The following CORIN variants were observed in gnomAD, a reference collection of about 807,000 sequenced individuals.
CORIN encodes the protein corin, serine peptidase, also known as atrial natriuretic peptide-converting enzyme.
A neutral mutation model predicts 125.3 loss-of-function variants in CORIN; 117 were observed. The observed-to-expected ratio is 0.93, with a 90% CI of 0.80 to 1.09. The LOEUF (loss-of-function observed/expected upper bound fraction) is 1.09. Among genes scored for constraint, CORIN ranks in the 50% least tolerant of loss-of-function variants. The pLI, the probability that CORIN is intolerant of heterozygous loss-of-function variation, is 0.00. For synonymous variants in CORIN, 450 were observed against 466.4 expected (o/e 0.96, Z 0.45); for missense variants, 1,253 against 1,306.7 (o/e 0.96, Z 0.63).
intron 4 of CORIN, 77 bp downstream of exon 4, chr4:47,763,302 T>G: frequency 8.9e-7 from 1 of 1,125,746 alleles, no homozygotes; most frequent in Admixed American, 2.1e-5. Context: ...AGGGAGTCAT[T>G]TGGATAATTT....
At chr4:47,645,522 T>C (rs950080941) in intron 13 of CORIN, among the ~76,000 whole-genome samples, 14 of 151,824 alleles carry the variant, frequency 9.2e-5, no homozygotes, top group African/African-American at 3.4e-4. Context: ...AATAATATAA[T>C]TTTGAAAGTA....
intron 5 of CORIN, among the ~76,000 whole-genome samples, chr4:47,734,245 C>T (rs1443493816): frequency 1.3e-5 from 2 of 152,096 alleles, no homozygotes; most frequent in Non-Finnish European, 2.9e-5. Context: ...GAATGGGGTA[C>T]ATAATGTAAA....
intron 12 of CORIN, among the ~76,000 whole-genome samples, chr4:47,660,044 T>C (rs1034592254): frequency 5.3e-5 from 8 of 152,116 alleles, no homozygotes; most frequent in African/African-American, 9.7e-5. Flanking sequence ...ACATCTACAG[T>C]GAACTCATTT....
At chr4:47,836,641 T>C (rs1298005661) in intron 1 of CORIN, among the ~76,000 whole-genome samples, 3 of 152,192 alleles carry the variant, frequency 2.0e-5, no homozygotes, top group Non-Finnish European at 4.4e-5. Flanking sequence ...AAGCTCCACT[T>C]TATGAATTAC....
chr4:47,665,392 A>G (rs1724437799), intron 10 of CORIN, 129 bp from the exon 11 acceptor site: 1 of 659,178 alleles, frequency 1.5e-6, no homozygotes, highest in Admixed American at 3.0e-5. Context: ...CCAGTAGTAT[A>G]TAACATTTTT....
chr4:47,749,222 T>G (rs1232052953), intron 4 of CORIN, among the ~76,000 whole-genome samples: 1 of 151,836 alleles, frequency 6.6e-6, no homozygotes, highest in Admixed American at 6.6e-5. Context: ...TCCTCTGGAG[T>G]GTAGGTTGCC....
chr4:47,619,539 ACTT>A (rs1722217447), intron 19 of CORIN, among the ~76,000 whole-genome samples: 1 of 152,222 alleles, frequency 6.6e-6, no homozygotes, highest in African/African-American at 2.4e-5. Flanking sequence ...GCATTTTCTA[ACTT>A]CTTCTGGATA....
intron 19 of CORIN, 144 bp from the exon 20 acceptor site, chr4:47,603,812 A>G: frequency 1.1e-6 from 1 of 884,412 alleles, no homozygotes. Flanking sequence ...AGTGGCATTT[A>G]TATAATAGCC....
intron 1 of CORIN, among the ~76,000 whole-genome samples, chr4:47,824,611 C>A (rs891612739): frequency 2.0e-5 from 3 of 152,186 alleles, no homozygotes; most frequent in African/African-American, 7.2e-5. Flanking sequence ...CATGAGCCAC[C>A]ATGCCCCAGG....
At chr4:47,684,931 GAA>G (rs58636467) in intron 6 of CORIN, among the ~76,000 whole-genome samples, 2 of 150,726 alleles carry the variant, frequency 1.3e-5, no homozygotes, top group Non-Finnish European at 3.0e-5. Context: ...CAAAACAAAA[GAA>G]AAAAAAATAA....
intron 19 of CORIN, among the ~76,000 whole-genome samples, chr4:47,622,091 T>C (rs1268010351): frequency 8.7e-5 from 12 of 137,242 alleles, no homozygotes; most frequent in South Asian, 4.8e-4. Flanking sequence ...TGAGTGAGAA[T>C]ATGCGGTGTT....
chr4:47,709,143 C>CA (rs1000850480), intron 5 of CORIN, among the ~76,000 whole-genome samples: 1 of 151,888 alleles, frequency 6.6e-6, no homozygotes, highest in African/African-American at 2.4e-5. Flanking sequence ...TATTTCAGGA[C>CA]AAAAAATAAG....
chr4:47,650,049 A>C (rs538509682), intron 13 of CORIN, among the ~76,000 whole-genome samples: 86 of 152,226 alleles, frequency 5.6e-4, no homozygotes, highest in Non-Finnish European at 1.1e-3. Context: ...TGCCTTTTGG[A>C]AACTCTTTGA....
chr4:47,802,954 A>G (rs1397743040), intron 2 of CORIN, among the ~76,000 whole-genome samples: 1 of 152,202 alleles, frequency 6.6e-6, no homozygotes, highest in African/African-American at 2.4e-5. Context: ...GTAAGGAAAA[A>G]GAACGAGAGT....
intron 2 of CORIN, among the ~76,000 whole-genome samples, chr4:47,806,162 T>A (rs1577939379): frequency 6.6e-6 from 1 of 152,082 alleles, no homozygotes; most frequent in African/African-American, 2.4e-5. Flanking sequence ...TTTTTTTTTT[T>A]AATGAAAGTC....
chr4:47,779,774 A>C (rs1011229907), intron 3 of CORIN, among the ~76,000 whole-genome samples: 3 of 152,182 alleles, frequency 2.0e-5, no homozygotes, highest in Admixed American at 2.0e-4. Flanking sequence ...AAAGCTAATG[A>C]AAACATCTCA....
At chr4:47,738,631 T>C (rs1728241392) in intron 5 of CORIN, among the ~76,000 whole-genome samples, 2 of 152,168 alleles carry the variant, frequency 1.3e-5, no homozygotes, top group Non-Finnish European at 2.9e-5. Flanking sequence ...ATTTTAAATG[T>C]CCAACTTTCA....
At chr4:47,652,625 T>C (rs1560490044) in intron 13 of CORIN, 1 of 152,232 alleles carries the variant, frequency 6.6e-6, no homozygotes. Context: ...TGCAGGGAAA[T>C]ATAATGACAA....
In CORIN at chr4:47,653,564, T is replaced by A; in HGVS notation, c.1832A>T (p.Glu611Val). 1 of 1,613,356 alleles carries A rather than the reference T, an allele frequency of 6.2e-7. No homozygotes were observed. Among genetic ancestry groups the A allele is most frequent in the East Asian group, 2.2e-5 (1 of 44,860 alleles). ...GQADCDDDSD[E>V]ENCGCKERDL... ...TTGCACATACATACCACAGTTTTCC[T>A]CATCACTGTCATCGTCACAGTCGGC... Residue 611 changes from glutamate (E) to valine (V), a missense_variant, in exon 13 of 22, where the codon GAG becomes GTG. Physicochemically the swap from Glu to Val is moderately radical, Grantham distance 121. Transcript: ENST00000273857.
Sources: allele counts gnomAD v4.1 joint callset (sites outside exome capture counted in the v4.1 genomes callset), GRCh38; gene constraint gnomAD v4.1.1; transcripts MANE v1.5; gene names NCBI Gene and HGNC (gene_info 2026-07-23, HGNC 2026-07-21).